GJA3: variants seen among roughly 807,000 people sequenced by gnomAD.
The protein encoded by GJA3 is gap junction protein alpha 3, also known as gap junction alpha-3 protein.
For missense variants in GJA3, 571 were observed against 620.3 expected (o/e 0.92, Z 0.84); for synonymous variants, 297 against 292.6 (o/e 1.02, Z -0.15).
chr13:20,147,715 T>A (rs556184196), intron 1 of GJA3, among the ~76,000 whole-genome samples: 4 of 152,368 alleles, frequency 2.6e-5, no homozygotes, highest in African/African-American at 9.6e-5. Context: ...CTTTCATTTT[T>A]CGCAGTTGTA....
intron 1 of GJA3, among the ~76,000 whole-genome samples, chr13:20,157,231 G>A (rs1958911628): frequency 6.6e-6 from 1 of 152,178 alleles, no homozygotes; most frequent in African/African-American, 2.4e-5. Context: ...AAGTAATAGA[G>A]AAAATTACAG....
chr13:20,143,205 C>G lies in GJA3; in HGVS notation c.84G>C (p.Val28=). 1 of 1,581,862 alleles carries G rather than the reference C, an allele frequency of 6.3e-7. No individual in the cohort carries two copies. The highest frequency in any genetic ancestry group is 1.2e-5 in the South Asian group (1 of 84,818). The change falls in exon 2 of 2, where the codon GTG becomes GTC. Residue 28 remains valine (V), a synonymous_variant. Coordinates refer to ENST00000241125, the MANE Select transcript of GJA3 (RefSeq NM_021954.4). ...STVIGKVWLT[V]LFIFRILVLG... ...GCACCAAGATGCGGAAGATGAACAG[C>G]ACGGTCAGCCAAACCTTGCCGATGA...
At chr13:20,150,710 A>G (rs1166007947) in intron 1 of GJA3, among the ~76,000 whole-genome samples, 1 of 140,284 alleles carries the variant, frequency 7.1e-6, no homozygotes, top group Admixed American at 6.7e-5. Context: ...TGGAGGGCGA[A>G]GGCCCCCTGA....
In GJA3 at chr13:20,142,082, GGGCCGCGGTGGTCAC is replaced by G; in HGVS notation, c.1192_1206del (p.Val398_Ala402del). On this transcript the variant is annotated inframe_deletion, in exon 2 of 2. Coordinates refer to ENST00000241125, the MANE Select transcript of GJA3 (RefSeq NM_021954.4). Reference sequence around the variant, plus strand: ...AGGGGCAAGGGCGGCTGGTGCATCTGGGCCGCGGTGGTCACGGCCTGCTCCTCCTCCTCGGGGGTC... The same window carrying G: ...AGGGGCAAGGGCGGCTGGTGCATCTGGGCCTGCTCCTCCTCCTCGGGGGTC... 1 of 1,549,390 alleles carries G rather than the reference GGGCCGCGGTGGTCAC, an allele frequency of 6.5e-7. No individual in the cohort carries two copies. The highest frequency in any genetic ancestry group is 8.7e-7 in the Non-Finnish European group (1 of 1,146,514).
intron 1 of GJA3, among the ~76,000 whole-genome samples, chr13:20,158,643 G>C (rs1464367840): frequency 6.6e-6 from 1 of 152,004 alleles, no homozygotes; most frequent in African/African-American, 2.4e-5. Flanking sequence ...TGGGCGCGGT[G>C]GCTCACGCCT....
chr13:20,141,016 G>C lies in GJA3; in HGVS notation c.*965C>G, dbSNP rs866224733. ...TAATTAGGTGACTCATGAAATTAAA[G>C]AATTTCTTTTACAAGAAAGTTCAAA... On this transcript the variant is annotated 3_prime_UTR_variant, in exon 2 of 2. Coordinates refer to ENST00000241125, the MANE Select transcript of GJA3 (RefSeq NM_021954.4). 6.6e-6 allele frequency: 1 copy of C among 152,130 alleles called. No homozygotes were observed. Among genetic ancestry groups the C allele is most frequent in the South Asian group, 2.1e-4 (1 of 4,822 alleles). The allele number at this position is 152,130 out of a possible 1,614,324, so 9.4% of individuals were successfully genotyped here. A position where few individuals can be genotyped will look rare whatever the true frequency, so the allele number is the denominator to read the frequency against.
chr13:20,158,912 C>CAAAAA (rs1159654355), intron 1 of GJA3, among the ~76,000 whole-genome samples: 518 of 54,640 alleles, frequency 9.5e-3, no homozygotes, highest in Non-Finnish European at 0.011. Flanking sequence ...GCAAAACTCT[C>CAAAAA]AAAAAAAAAA....
chr13:20,157,805 T>C (rs973805328), intron 1 of GJA3, among the ~76,000 whole-genome samples: 2 of 152,220 alleles, frequency 1.3e-5, no homozygotes, highest in African/African-American at 4.8e-5. Context: ...ATTTTTATCT[T>C]TTATAAAAAT....
chr13:20,159,854 G>T (rs569105913), intron 1 of GJA3, among the ~76,000 whole-genome samples: 1 of 152,092 alleles, frequency 6.6e-6, no homozygotes. Context: ...ACTGATATTC[G>T]GAAAATAAAT....
rs1257499106 is a variant in GJA3, at chr13:20,142,439, C to A, written c.850G>T (p.Ala284Ser). 2 of 1,511,414 alleles carry A rather than the reference C, an allele frequency of 1.3e-6. No homozygotes were observed. Among genetic ancestry groups the A allele is most frequent in the Admixed American group, 4.3e-5 (2 of 46,648 alleles). The allele number at this position is 1,511,414 out of a possible 1,614,324, so 93.6% of individuals were successfully genotyped here. ...GGCGGGGCCCCGGGGTAGCCCACGG[C>A]GCGGGCCTGTCCCAGGGGCGCAGCG... ...HTAAPLGQARAVGYPGAPPPA... is the reference protein window; with the variant it reads ...HTAAPLGQARSVGYPGAPPPA... The change falls in exon 2 of 2, where the codon GCC (alanine) becomes TCC (serine). Residue 284 changes from alanine (A) to serine (S), a missense_variant. Coordinates refer to ENST00000241125, the MANE Select transcript of GJA3 (RefSeq NM_021954.4).
Position 20,141,251 on chromosome 13 carries a change from T to G in GJA3, c.*730A>C, listed in dbSNP as rs965172958. ...TACCTACGGCATACCCGACACACTT[T>G]TATGTCAATTTCCTCAACTGTTTAA... On this transcript the variant is annotated 3_prime_UTR_variant, in exon 2 of 2. Coordinates refer to ENST00000241125, the MANE Select transcript of GJA3 (RefSeq NM_021954.4). 1 of 152,232 alleles carries G rather than the reference T, an allele frequency of 6.6e-6. No homozygotes were observed. Among genetic ancestry groups the G allele is most frequent in the African/African-American group, 2.4e-5 (1 of 41,454 alleles). The allele number at this position is 152,232 out of a possible 1,614,324, so 9.4% of individuals were successfully genotyped here. A position where few individuals can be genotyped will look rare whatever the true frequency, so the allele number is the denominator to read the frequency against.
intron 1 of GJA3, among the ~76,000 whole-genome samples, chr13:20,153,592 T>C (rs1342424601): frequency 1.3e-5 from 2 of 151,918 alleles, no homozygotes; most frequent in Non-Finnish European, 2.9e-5. Context: ...ATGAGAACAC[T>C]TGGACACAGG....
At position 20,142,785 on chromosome 13, in the gene GJA3, G is replaced by A. The variant is rs1958819108; in HGVS notation, c.504C>T (p.Tyr168=). The change falls in exon 2 of 2, where the codon TAC becomes TAT. Residue 168 remains tyrosine, a synonymous_variant. Coordinates refer to ENST00000241125, the MANE Select transcript of GJA3 (RefSeq NM_021954.4). Reference sequence around the variant, plus strand: ...GCTTCAGCTCGAAGCCGTACAGAAAGTACTGGCCGGCGATGAAGCCCACCT... The same window carrying A: ...GCTTCAGCTCGAAGCCGTACAGAAAATACTGGCCGGCGATGAAGCCCACCT... ...LFEVGFIAGQ[Y]FLYGFELKPL... 5 of 1,613,596 alleles carry A rather than the reference G, an allele frequency of 3.1e-6. No individual in the cohort carries two copies. The South Asian group carries it at 4.4e-5, about 14-fold the overall frequency.
Position 20,142,656 on chromosome 13 carries a change from G to T in GJA3, c.633C>A (p.Ala211=). Residue 211 remains alanine, a synonymous_variant, in exon 2 of 2, where the codon GCC becomes GCA. Transcript: ENST00000241125. The stretch of plus-strand genomic sequence containing the variant: ...GCATGTTGAGCAGCAGGGACGCGCA[G>T]GCCACCGCCAGCATGAAGATGATGA... ...TIFIIFMLAV[A]CASLLLNMLE... The T allele has an allele frequency of 1.9e-6, 3 of 1,613,824 alleles. No homozygotes were observed. The highest frequency in any genetic ancestry group is 2.5e-6 in the Non-Finnish European group (3 of 1,180,004).
In GJA3 at chr13:20,142,010, G is replaced by C. The variant is rs922529783; in HGVS notation, c.1279C>G (p.Arg427Gly). 6.5e-7 allele frequency: 1 copy of C among 1,550,176 alleles called. No homozygotes were observed. The highest frequency in any genetic ancestry group is 8.7e-7 in the Non-Finnish European group (1 of 1,146,780). ...ASKASRASSG[R>G]ARPEDLAI ...ATGGCCAAGTCCTCCGGTCTGGCCC[G>C]CCCGCTGCTGGCCCTGCTGGCCTTG... is the stretch of plus-strand genomic sequence containing the variant. Residue 427 changes from arginine (R) to glycine (G), a missense_variant, in exon 2 of 2, where the codon CGG (arginine) becomes GGG (glycine). By Grantham distance (125) the Arg-to-Gly change is moderately radical. Transcript: ENST00000241125.
chr13:20,144,117 T>A (rs563693635), intron 1 of GJA3, among the ~76,000 whole-genome samples: 5 of 152,230 alleles, frequency 3.3e-5, no homozygotes, highest in African/African-American at 1.2e-4. Context: ...AAGGCCACTA[T>A]TAGGATAGAA....
rs764077955 is a variant in GJA3, at chr13:20,142,724, T to G, written c.565A>C (p.Thr189Pro). 4.5e-5 allele frequency: 72 copies of G among 1,613,662 alleles called. No homozygotes were observed. The highest frequency in any genetic ancestry group is 5.8e-5 in the Non-Finnish European group (68 of 1,179,938). ...GGCCTGGAGATGAAGCAGTCCACCG[T>G]GTTGGGGCAGGGCCAGCGGTCGCAG... Reference protein sequence around the residue: ...YRCDRWPCPNTVDCFISRPTE... With the variant: ...YRCDRWPCPNPVDCFISRPTE... Residue 189 changes from threonine to proline, a missense_variant, in exon 2 of 2, where the codon ACG becomes CCG. By Grantham distance (38) the Thr-to-Pro change is conservative (BLOSUM62 -1). Coordinates refer to ENST00000241125, the MANE Select transcript of GJA3 (RefSeq NM_021954.4).
In GJA3 at chr13:20,141,917, A is replaced by T; in HGVS notation, c.*64T>A. The stretch of plus-strand genomic sequence containing the variant: ...GGTTCTATCTGCTGGTGGGAAGTGC[A>T]CTTTGGTTTTGGTTTCTAAGAAAAA... On this transcript the variant is annotated 3_prime_UTR_variant, in exon 2 of 2. Transcript: ENST00000241125. The T allele has an allele frequency of 6.5e-7, 1 of 1,535,868 alleles. No individual in the cohort carries two copies. Among genetic ancestry groups the T allele is most frequent in the Non-Finnish European group, 8.8e-7 (1 of 1,135,976 alleles).
At position 20,141,786 on chromosome 13, in the gene GJA3, G is replaced by A; in HGVS notation, c.*195C>T. Reference sequence around the variant, plus strand: ...TCAGAAAGTGGGAGTTATCCCCACTGTAACTCACAGTGCTAAGAACAGCAA... The same window carrying A: ...TCAGAAAGTGGGAGTTATCCCCACTATAACTCACAGTGCTAAGAACAGCAA... On this transcript the variant is annotated 3_prime_UTR_variant, in exon 2 of 2. Transcript: ENST00000241125. 1 of 781,908 alleles carries A rather than the reference G, an allele frequency of 1.3e-6. No homozygotes were observed. The highest frequency in any genetic ancestry group is 1.9e-6 in the Non-Finnish European group (1 of 515,872). 48.4% of individuals were successfully genotyped at this position (781,908 alleles called of 1,614,324 possible).
Sources: gnomAD v4.1 joint callset for allele counts (sites outside exome capture counted in the v4.1 genomes callset) on GRCh38, gnomAD v4.1.1 for gene constraint, MANE v1.5 for transcripts, NCBI Gene and HGNC (gene_info 2026-07-23, HGNC 2026-07-21) for gene names.